PLEKHA6: variants seen among roughly 807,000 people sequenced by gnomAD.
PLEKHA6 encodes the protein pleckstrin homology domain containing A6.
In PLEKHA6, 60 loss-of-function variants were observed where a neutral mutation model predicts 116.7. That is an observed-to-expected ratio of 0.51 (90% confidence interval 0.42 to 0.64). The LOEUF is 0.64. Ranked by LOEUF, PLEKHA6 falls within the 30% of genes least tolerant of loss-of-function variation. The probability of loss-of-function intolerance (pLI) is 0.00; values close to 1 mark genes in which losing one functional copy is unlikely to be tolerated. For missense variants in PLEKHA6, 1,338 were observed against 1,422.7 expected (o/e 0.94, Z 0.96); for synonymous variants, 489 against 556.1 (o/e 0.88, Z 1.70).
chr1:204,332,231 G>T (rs1347996824), intron 1 of PLEKHA6, among the ~76,000 whole-genome samples: 1 of 152,194 alleles, frequency 6.6e-6, no homozygotes, highest in Non-Finnish European at 1.5e-5. Context: ...ACGCTGGGAA[G>T]TCACAAGATG....
chr1:204,377,307 G>C (rs147102337), intron 1 of PLEKHA6, among the ~76,000 whole-genome samples: 1 of 152,276 alleles, frequency 6.6e-6, no homozygotes, highest in South Asian at 2.1e-4. Context: ...TGGAGGCCTC[G>C]CATGTGACCA....
intron 21 of PLEKHA6, 105 bp downstream of exon 21, chr1:204,227,977 TG>T: frequency 8.6e-7 from 1 of 1,157,882 alleles, no homozygotes; most frequent in South Asian, 1.5e-5. Context: ...TCCTCAGCCT[TG>T]TATCTCTTTG....
At chr1:204,241,921 G>T in intron 15 of PLEKHA6, 107 bp from the exon 16 acceptor site, 1 of 1,242,392 alleles carries the variant, frequency 8.0e-7, no homozygotes, top group Non-Finnish European at 1.2e-6. Context: ...AACCCTTGCA[G>T]ATACAAGGAA....
chr1:204,302,786 G>A (rs3923986), intron 1 of PLEKHA6, among the ~76,000 whole-genome samples: 65,434 of 151,930 alleles, frequency 0.43, 14,661 homozygotes, highest in East Asian at 0.73. Context: ...TGAGGCAGGA[G>A]AATTGCTTGA....
intron 1 of PLEKHA6, chr1:204,320,420 G>A (rs1672018007): frequency 4.6e-6 from 4 of 873,292 alleles, no homozygotes; most frequent in Non-Finnish European, 4.1e-6. Context: ...CATACTCGCA[G>A]CTCAGCTCCC....
At chr1:204,252,003 T>C (rs1036782505) in intron 9 of PLEKHA6, among the ~76,000 whole-genome samples, 1 of 151,946 alleles carries the variant, frequency 6.6e-6, no homozygotes, top group African/African-American at 2.4e-5. Context: ...CTCCCCAAAG[T>C]TGAACTAAGT....
intron 1 of PLEKHA6, among the ~76,000 whole-genome samples, chr1:204,317,910 C>A (rs998273313): frequency 6.6e-6 from 1 of 152,160 alleles, no homozygotes; most frequent in African/African-American, 2.4e-5. Context: ...CAGTATCCAC[C>A]TCATATCATT....
chr1:204,257,773 T>C lies in PLEKHA6; in HGVS notation c.1104A>G (p.Gly368=), dbSNP rs1665551516. The C allele has an allele frequency of 4.3e-6, 7 of 1,613,856 alleles. No homozygotes were observed. In the East Asian group the frequency reaches 1.3e-4, roughly 31 times the overall value. Residue 368 remains glycine (G), a synonymous_variant, in exon 9 of 23, where the codon GGA becomes GGG. Transcript: ENST00000272203. The surrounding 1 kb of genome is among the most constrained non-coding windows in gnomAD (Gnocchi z 6.5). ...TGGAACAGATGCTCTCCGGCCGCAC[T>C]CCTGGCGGGTAGTACTGATAATCAT... is the stretch of plus-strand genomic sequence containing the variant. ...YPDDYQYYPP[G]VRPESICSMP...
At chr1:204,336,592 G>A (rs148094554) in intron 1 of PLEKHA6, among the ~76,000 whole-genome samples, 5 of 151,506 alleles carry the variant, frequency 3.3e-5, no homozygotes, top group South Asian at 2.1e-4. Flanking sequence ...GTGTGTGCAC[G>A]CACATACATA....
rs1056713343 is a variant in PLEKHA6, at chr1:204,277,519, G to A, written c.-94-2710C>T. On this transcript the variant is annotated intron_variant, in intron 1 of 22. Coordinates refer to ENST00000272203, the MANE Select transcript of PLEKHA6 (RefSeq NM_014935.5). This position sits in a 1 kb window ranked among gnomAD's most constrained non-coding sequence, Gnocchi z 4.1. ...GCACGGCTGAAACCCATGCCAGCCC[G>A]ACCTGTAGGGAGACAGTCCTCCTGC... The A allele has an allele frequency of 2.0e-5, 3 of 152,116 alleles. No homozygotes were observed. The highest frequency in any genetic ancestry group is 1.9e-4 in the East Asian group (1 of 5,190). 9.4% of individuals were successfully genotyped at this position (152,116 alleles called of 1,614,324 possible). A position where few individuals can be genotyped will look rare whatever the true frequency, so the allele number is the denominator to read the frequency against.
At chr1:204,305,335 T>C (rs1671194479) in intron 1 of PLEKHA6, among the ~76,000 whole-genome samples, 1 of 152,198 alleles carries the variant, frequency 6.6e-6, no homozygotes, top group Non-Finnish European at 1.5e-5. Context: ...CATGCAGTAC[T>C]GCGGCACGCT....
At chr1:204,299,006 A>G (rs1670556880) in intron 1 of PLEKHA6, among the ~76,000 whole-genome samples, 1 of 152,236 alleles carries the variant, frequency 6.6e-6, no homozygotes, top group African/African-American at 2.4e-5. Context: ...TATCTGTGGC[A>G]TTCAGCTTCT....
Position 204,255,571 on chromosome 1 carries a change from G to A in PLEKHA6, c.1524+1782C>T, listed in dbSNP as rs1019908666. The A allele has an allele frequency of 7.1e-6, 5 of 700,316 alleles. No homozygotes were observed. The East Asian group carries it at 1.3e-4, about 19-fold the overall frequency. The allele number at this position is 700,316 out of a possible 1,614,324, so 43.4% of individuals were successfully genotyped here. ...GAAGATGAGGAGGTGGGGAGGAGTG[G>A]AGAGATGCGACAGGAAGGCAGTGGG... On this transcript the variant is annotated intron_variant, in intron 9 of 22. Coordinates refer to ENST00000272203, the MANE Select transcript of PLEKHA6 (RefSeq NM_014935.5).
chr1:204,236,579 C>T (rs942668386), intron 17 of PLEKHA6, among the ~76,000 whole-genome samples: 1 of 152,100 alleles, frequency 6.6e-6, no homozygotes, highest in Non-Finnish European at 1.5e-5. Context: ...AATTGGATCC[C>T]GAGGTGGCAG....
rs866552310 is a variant in PLEKHA6 at position 204,251,750 on chromosome 1, C to A, written c.1525-1136G>T. 3.0e-5 allele frequency: 18 copies of A among 605,266 alleles called. 3 individuals are homozygous for A. In the Middle Eastern group the frequency reaches 4.4e-3, roughly 147 times the overall value. The allele number at this position is 605,266 out of a possible 1,614,324, so 37.5% of individuals were successfully genotyped here. On this transcript the variant is annotated intron_variant, in intron 9 of 22. Coordinates refer to ENST00000272203, the MANE Select transcript of PLEKHA6 (RefSeq NM_014935.5). Reference sequence around the variant, plus strand: ...CCTGAGCTTGCCCTCACTCCTTGCTCACCCCTAGTGACCTCTGTTTCAGGA... The same window carrying A: ...CCTGAGCTTGCCCTCACTCCTTGCTAACCCCTAGTGACCTCTGTTTCAGGA...
chr1:204,269,594 G>A (rs369091768), intron 3 of PLEKHA6, among the ~76,000 whole-genome samples: 64 of 150,450 alleles, frequency 4.3e-4, no homozygotes, highest in African/African-American at 1.3e-3. Context: ...CTGTCCTCCC[G>A]ACAATGGACC....
At chr1:204,227,960 G>A (rs1443520934) in intron 21 of PLEKHA6, 123 bp downstream of exon 21, 3 of 1,011,124 alleles carry the variant, frequency 3.0e-6, no homozygotes, top group South Asian at 1.7e-5. Flanking sequence ...CAACCTCGAG[G>A]AGCATCTCCT....
chr1:204,373,586 G>A (rs1673815757), intron 1 of PLEKHA6, among the ~76,000 whole-genome samples: 1 of 152,182 alleles, frequency 6.6e-6, no homozygotes, highest in Non-Finnish European at 1.5e-5. Flanking sequence ...TTGCTGAATA[G>A]TATTCCATTG....
chr1:204,373,165 C>T (rs1250556739), intron 1 of PLEKHA6, among the ~76,000 whole-genome samples: 1 of 147,918 alleles, frequency 6.8e-6, no homozygotes, highest in African/African-American at 2.5e-5. Context: ...GATCTTGCCT[C>T]ACTGAAATCT....
Sources: allele counts gnomAD v4.1 joint callset (sites outside exome capture counted in the v4.1 genomes callset), GRCh38; gene constraint gnomAD v4.1.1; non-coding constraint Gnocchi (gnomAD v3.1); transcripts MANE v1.5; gene names NCBI Gene and HGNC (gene_info 2026-07-23, HGNC 2026-07-21).